The following DUSP22 variants were observed in gnomAD, a reference collection of about 807,000 sequenced individuals.
DUSP22 encodes the protein dual specificity phosphatase 22, also known as dual specificity protein phosphatase 22.
DUSP22 carries 24 observed loss-of-function variants against 24.5 expected under a neutral mutation model. The ratio of observed to expected loss-of-function variants is 0.98; its 90% CI spans 0.71 to 1.38. The LOEUF (loss-of-function observed/expected upper bound fraction) is 1.38. Among genes scored for constraint, DUSP22 ranks in the 40% most tolerant of loss-of-function variants. The pLI is 0.00. For missense variants in DUSP22, 330 were observed against 269.2 expected (o/e 1.23, Z -1.58); for synonymous variants, 160 against 106.4 (o/e 1.50, Z -3.10).
intron 1 of DUSP22, among the ~76,000 whole-genome samples, chr6:304,150 G>A (rs918343523): frequency 6.6e-5 from 10 of 152,302 alleles, no homozygotes; most frequent in Admixed American, 2.6e-4. Flanking sequence ...CAGCAGCATC[G>A]CCACACAGGG....
At chr6:329,666 C>G (rs181650723) in intron 3 of DUSP22, among the ~76,000 whole-genome samples, 1 of 152,418 alleles carries the variant, frequency 6.6e-6, no homozygotes, top group African/African-American at 2.4e-5. Flanking sequence ...GTTGGCCAGG[C>G]TGGTCTCGAA....
chr6:336,237 C>A (rs540959808), intron 4 of DUSP22, among the ~76,000 whole-genome samples: 260 of 152,334 alleles, frequency 1.7e-3, no homozygotes, highest in African/African-American at 5.9e-3. Flanking sequence ...GTGCTATATG[C>A]CACAGGTCAA....
At chr6:342,826 T>C (rs576179391) in intron 4 of DUSP22, among the ~76,000 whole-genome samples, 221 of 152,354 alleles carry the variant, frequency 1.5e-3, no homozygotes, top group Non-Finnish European at 2.0e-3. Flanking sequence ...TGCTTCAACA[T>C]GGACAGAGCT....
At chr6:293,035 C>T (rs145550875) in intron 1 of DUSP22, among the ~76,000 whole-genome samples, 220 of 152,326 alleles carry the variant, frequency 1.4e-3, no homozygotes, top group African/African-American at 4.9e-3. Context: ...AGAAGTTTTT[C>T]TTGTGGACAG....
intron 1 of DUSP22, among the ~76,000 whole-genome samples, chr6:299,829 G>A (rs1297102255): frequency 2.0e-5 from 3 of 152,306 alleles, no homozygotes; most frequent in South Asian, 2.1e-4. Context: ...TTTCGCATGT[G>A]GAAGTCCACT....
chr6:349,848 C>T lies in DUSP22; in HGVS notation c.*897C>T, dbSNP rs891036922. Reference sequence around the variant, plus strand: ...GCACTTGAGCTCTGTGGTGGGCAGGCGCACTTTAGCCTAAGTTGGGTGCCC... The same window carrying T: ...GCACTTGAGCTCTGTGGTGGGCAGGTGCACTTTAGCCTAAGTTGGGTGCCC... On this transcript the variant is annotated 3_prime_UTR_variant, in exon 7 of 7. Transcript: ENST00000419235. 526 of 985,426 alleles carry T rather than the reference C, an allele frequency of 5.3e-4. No individual in the cohort carries two copies. Among genetic ancestry groups the T allele is most frequent in the Non-Finnish European group, 5.9e-4 (488 of 829,884 alleles). 61.0% of individuals were successfully genotyped at this position (985,426 alleles called of 1,614,324 possible). A position where few individuals can be genotyped will look rare whatever the true frequency, so the allele number is the denominator to read the frequency against.
intron 3 of DUSP22, among the ~76,000 whole-genome samples, chr6:326,740 T>C (rs1758900754): frequency 6.6e-6 from 1 of 152,304 alleles, no homozygotes; most frequent in Non-Finnish European, 1.5e-5. Flanking sequence ...TCACATTGAC[T>C]TTCCTTGTTT....
chr6:347,591 A>AG (rs1236326514), intron 5 of DUSP22, among the ~76,000 whole-genome samples: 4 of 152,308 alleles, frequency 2.6e-5, no homozygotes, highest in Non-Finnish European at 4.4e-5. Flanking sequence ...TATTTATGTC[A>AG]GGAAGAGTAC....
chr6:292,728 G>A (rs1757146386), intron 1 of DUSP22, among the ~76,000 whole-genome samples, 168 bp downstream of exon 1: 1 of 152,278 alleles, frequency 6.6e-6, no homozygotes, highest in Non-Finnish European at 1.5e-5. Context: ...GTCGGGGTTC[G>A]GAGGTGTTCC....
At chr6:333,795 G>C (rs535033871) in intron 3 of DUSP22, among the ~76,000 whole-genome samples, 1 of 152,296 alleles carries the variant, frequency 6.6e-6, no homozygotes, top group Non-Finnish European at 1.5e-5. Context: ...CGAAGCCCAC[G>C]TGTGCTTCCC....
At chr6:303,834 A>C (rs1329676356) in intron 1 of DUSP22, among the ~76,000 whole-genome samples, 1 of 152,302 alleles carries the variant, frequency 6.6e-6, no homozygotes, top group Non-Finnish European at 1.5e-5. Context: ...CTGCTAAATC[A>C]TTCCATGCGG....
chr6:322,839 G>C (rs1276951181), intron 3 of DUSP22, among the ~76,000 whole-genome samples: 5 of 149,008 alleles, frequency 3.4e-5, no homozygotes, highest in African/African-American at 9.9e-5. Context: ...GTGGGGCGGG[G>C]GGGGGCCTTC....
intron 3 of DUSP22, among the ~76,000 whole-genome samples, chr6:324,467 A>T (rs571694460): frequency 9.8e-5 from 15 of 152,294 alleles, no homozygotes; most frequent in African/African-American, 3.6e-4. Flanking sequence ...AACTTGCTGC[A>T]TAACAGAGGG....
intron 4 of DUSP22, among the ~76,000 whole-genome samples, chr6:339,891 G>T (rs1462581531): frequency 6.6e-6 from 1 of 152,288 alleles, no homozygotes; most frequent in Non-Finnish European, 1.5e-5. Flanking sequence ...GAGCTAGTTG[G>T]GCCCTTGGAC....
chr6:300,899 ATGCTGTAAG>A (rs1757552773), intron 1 of DUSP22, among the ~76,000 whole-genome samples: 1 of 152,422 alleles, frequency 6.6e-6, no homozygotes, highest in Admixed American at 6.5e-5. Flanking sequence ...GCAGGAGCAG[ATGCTGTAAG>A]TGGTCAGTGA....
rs576924701 is a variant in DUSP22 at position 350,428 on chromosome 6, A to T, written c.*1477A>T. ...ACATACTCGACCTCTCCCTAAAAAG[A>T]TGTTGCAACCCAGTTTCTCTGAATT... On this transcript the variant is annotated 3_prime_UTR_variant, in exon 7 of 7. Coordinates refer to ENST00000419235, the MANE Select transcript of DUSP22 (RefSeq NM_001286555.3). 1.0e-4 allele frequency: 116 copies of T among 1,122,654 alleles called. No homozygotes were observed. In the East Asian group the frequency reaches 1.8e-3, roughly 17 times the overall value. 69.5% of individuals were successfully genotyped at this position (1,122,654 alleles called of 1,614,324 possible). A position where few individuals can be genotyped will look rare whatever the true frequency, so the allele number is the denominator to read the frequency against.
At chr6:301,283 C>T (rs2127391025) in intron 1 of DUSP22, among the ~76,000 whole-genome samples, 1 of 152,420 alleles carries the variant, frequency 6.6e-6, no homozygotes, top group Non-Finnish European at 1.5e-5. Context: ...ACAGTGGGAA[C>T]CTCTTCTCTG....
intron 1 of DUSP22, among the ~76,000 whole-genome samples, chr6:293,711 T>C (rs1209189205): frequency 6.6e-6 from 1 of 152,268 alleles, no homozygotes; most frequent in African/African-American, 2.4e-5. Context: ...TATTGTGTCC[T>C]GGTTACCCAG....
Position 311,935 on chromosome 6 carries a change from C to T in DUSP22, c.111C>T (p.Val37=), listed in dbSNP as rs987287468. 1 of 1,612,696 alleles carries T rather than the reference C, an allele frequency of 6.2e-7. No homozygotes were observed. Among genetic ancestry groups the T allele is most frequent in the Non-Finnish European group, 8.5e-7 (1 of 1,179,180 alleles). ...ACAAGGTGACACATATTCTGTCTGT[C>T]CACGATAGTGCCAGGCCTATGTTGG... ...SKNKVTHILS[V]HDSARPMLEG... The change falls in exon 3 of 7, where the codon GTC becomes GTT. Residue 37 remains valine, a synonymous_variant. Coordinates refer to ENST00000419235, the MANE Select transcript of DUSP22 (RefSeq NM_001286555.3).
Sources: gnomAD v4.1 joint callset for allele counts (sites outside exome capture counted in the v4.1 genomes callset) on GRCh38, gnomAD v4.1.1 for gene constraint, MANE v1.5 for transcripts, NCBI Gene and HGNC (gene_info 2026-07-23, HGNC 2026-07-21) for gene names.